TMEM217: variants seen among roughly 807,000 people sequenced by gnomAD.
The protein encoded by TMEM217 is chromosome 6 open reading frame 128.
For missense variants in TMEM217, 204 were observed against 248.8 expected, an observed-to-expected ratio of 0.82 and a Z score of 1.21; for synonymous variants, 76 against 88.3, an observed-to-expected ratio of 0.86 and a Z score of 0.78.
chr6:37,252,609 ATGTGTG>A (rs375935772), intron 1 of TMEM217, among the ~76,000 whole-genome samples: 6 of 36,348 alleles, frequency 1.7e-4, no homozygotes, highest in Non-Finnish European at 1.5e-4. Context: ...GTGTGTGTGT[ATGTGTG>A]TGTATATATA....
At chr6:37,248,709 G>T (rs1038145952) in intron 1 of TMEM217, among the ~76,000 whole-genome samples, 6 of 152,188 alleles carry the variant, frequency 3.9e-5, no homozygotes, top group Non-Finnish European at 7.3e-5. Context: ...CAAGGAACTG[G>T]CAACAGTGGT....
chr6:37,243,752 C>T (rs1764914155), intron 1 of TMEM217, among the ~76,000 whole-genome samples: 1 of 152,174 alleles, frequency 6.6e-6, no homozygotes. Context: ...GCATGCACCA[C>T]CACACCTGGC....
intron 1 of TMEM217, among the ~76,000 whole-genome samples, chr6:37,225,064 G>A (rs1763748977): frequency 6.6e-6 from 1 of 151,770 alleles, no homozygotes; most frequent in South Asian, 2.1e-4. Flanking sequence ...AGGTGTGGTG[G>A]TGGCACATCC....
At chr6:37,251,868 C>A (rs1224289) in intron 1 of TMEM217, among the ~76,000 whole-genome samples, 129,641 of 152,206 alleles carry the variant, frequency 0.85, 55,414 homozygotes, top group South Asian at 0.91. Flanking sequence ...TTTTATATGA[C>A]CTAGGAGATA....
intron 1 of TMEM217, among the ~76,000 whole-genome samples, chr6:37,234,700 C>T (rs541575180): frequency 7.2e-5 from 11 of 152,084 alleles, no homozygotes; most frequent in Middle Eastern, 3.4e-3. Context: ...GGTGCCACTG[C>T]ACTCCAGCCT....
intron 1 of TMEM217, among the ~76,000 whole-genome samples, chr6:37,242,141 G>A (rs983270923): frequency 7.9e-5 from 12 of 152,126 alleles, no homozygotes; most frequent in Non-Finnish European, 1.6e-4. Flanking sequence ...ACTGTGAAGG[G>A]CTTGATGTCC....
At chr6:37,212,977 T>C (rs1470268687), downstream of TMEM217, 54 of 1,543,968 alleles carry the variant, frequency 3.5e-5, no homozygotes, top group Non-Finnish European at 4.6e-5. Context: ...CATTTTATAC[T>C]TGTTTTACCA....
intron 1 of TMEM217, among the ~76,000 whole-genome samples, chr6:37,248,671 T>G (rs1360225561): frequency 2.6e-5 from 4 of 152,180 alleles, no homozygotes; most frequent in Non-Finnish European, 4.4e-5. Context: ...AGGAGTCTCT[T>G]TAAGAATATC....
intron 1 of TMEM217, among the ~76,000 whole-genome samples, chr6:37,226,602 A>G (rs1763860173): frequency 6.6e-6 from 1 of 150,822 alleles, no homozygotes; most frequent in African/African-American, 2.4e-5. Flanking sequence ...CGGCCGAGAC[A>G]GAGTCTTGCT....
intron 1 of TMEM217, among the ~76,000 whole-genome samples, 156 bp from the exon 2 acceptor site, chr6:37,219,197 A>T (rs1763386761): frequency 6.6e-6 from 1 of 152,200 alleles, no homozygotes; most frequent in African/African-American, 2.4e-5. Context: ...AGGCTGTTTA[A>T]AATAGATTGG....
rs150167121 is a variant in TMEM217 at position 37,247,519 on chromosome 6, C to A, written c.-12+10049G>T. Among the ~76,000 whole-genome samples, 595 of 151,894 alleles carry A rather than the reference C, an allele frequency of 3.9e-3. 3 individuals are homozygous for A. The highest frequency in any genetic ancestry group is 0.014 in the African/African-American group (571 of 41,430). On this transcript the variant is annotated intron_variant, in intron 1 of 1. Coordinates refer to ENST00000357219, the Ensembl canonical transcript of TMEM217. ...TCTACTGCCTCAGCCTCCCAAGTAG[C>A]TGGGACTACAGGTGCGTGCCACCAC...
At chr6:37,220,580 T>G (rs1318432855) in intron 1 of TMEM217, among the ~76,000 whole-genome samples, 1 of 151,820 alleles carries the variant, frequency 6.6e-6, no homozygotes, top group Non-Finnish European at 1.5e-5. Context: ...CCATATTACA[T>G]GAAGTATTTT....
chr6:37,219,029 A>G, exon 2 of TMEM217: 1 of 1,612,024 alleles, frequency 6.2e-7, no homozygotes, highest in Non-Finnish European at 8.5e-7. Flanking sequence ...CTGCTGTTTC[A>G]TGCTGAGACC....
intron 1 of TMEM217, among the ~76,000 whole-genome samples, chr6:37,220,545 C>CT (rs34796387): frequency 0.21 from 31,121 of 145,702 alleles, 3,772 homozygotes; most frequent in Non-Finnish European, 0.29. Flanking sequence ...CATAGCTGGC[C>CT]TTTTTTTTTT....
At chr6:37,257,759 T>C in exon 1 of TMEM217, 1 of 740,000 alleles carries the variant, frequency 1.4e-6, no homozygotes, top group South Asian at 1.8e-5. Context: ...CGGTGCTGGG[T>C]GGAGGGGTGC....
chr6:37,220,237 A>T (rs1763429303), intron 1 of TMEM217, among the ~76,000 whole-genome samples: 3 of 152,208 alleles, frequency 2.0e-5, no homozygotes, highest in African/African-American at 7.2e-5. Context: ...TAAAGTATAG[A>T]AGTGCTCCCC....
chr6:37,221,955 G>C (rs1763545394), intron 1 of TMEM217, among the ~76,000 whole-genome samples: 1 of 152,164 alleles, frequency 6.6e-6, no homozygotes, highest in Admixed American at 6.5e-5. Context: ...AGGTCTCTGA[G>C]GCTCTCAGAA....
chr6:37,224,421 AC>A (rs1470879554), intron 1 of TMEM217, among the ~76,000 whole-genome samples: 1 of 149,948 alleles, frequency 6.7e-6, no homozygotes, highest in African/African-American at 2.5e-5. Flanking sequence ...ACATGATGAA[AC>A]CCTGTCTCTA....
chr6:37,255,421 C>T (rs1424496121), intron 1 of TMEM217, among the ~76,000 whole-genome samples: 8 of 152,138 alleles, frequency 5.3e-5, no homozygotes, highest in African/African-American at 1.9e-4. Flanking sequence ...ATGGCTCCCA[C>T]CTGTAATACT....
Sources: gnomAD v4.1 joint callset for allele counts (sites outside exome capture counted in the v4.1 genomes callset) on GRCh38, gnomAD v4.1.1 for gene constraint, MANE v1.5 for transcripts, NCBI Gene and HGNC (gene_info 2026-07-23, HGNC 2026-07-21) for gene names.